EYS: variants seen among roughly 807,000 people sequenced by gnomAD.
The protein encoded by EYS is EGF-like photoreceptor maintenance factor, also known as protein eyes shut homolog.
A neutral mutation model predicts 282.1 loss-of-function variants in EYS; 250 were observed. The observed-to-expected ratio is 0.89, with a 90% confidence interval of 0.80 to 0.98. The LOEUF (loss-of-function observed/expected upper bound fraction) is 0.98, where lower values mean the gene tolerates loss of function less well. Among genes scored for constraint, EYS ranks in the 50% least tolerant of loss-of-function variants. EYS has a pLI of 0.00. For synonymous variants in EYS, 1,355 were observed against 1,282.9 expected (o/e 1.06, Z -1.20); for missense variants, 4,016 against 3,709.0 (o/e 1.08, Z -2.15).
intron 30 of EYS, among the ~76,000 whole-genome samples, chr6:64,303,236 G>A (rs1039149511): frequency 6.6e-6 from 1 of 152,174 alleles, no homozygotes; most frequent in African/African-American, 2.4e-5. Flanking sequence ...CCCCCAGTGG[G>A]GTTCCTTAGT....
intron 19 of EYS, among the ~76,000 whole-genome samples, chr6:64,829,709 G>A (rs959862333): frequency 6.6e-6 from 1 of 151,966 alleles, no homozygotes; most frequent in Non-Finnish European, 1.5e-5. Flanking sequence ...ATAGAATGCG[G>A]TATGCACTCT....
At chr6:64,863,281 T>A (rs1003657784) in intron 19 of EYS, among the ~76,000 whole-genome samples, 5 of 152,202 alleles carry the variant, frequency 3.3e-5, no homozygotes, top group African/African-American at 4.8e-5. Flanking sequence ...TTCTTCTGAG[T>A]TCTTTCCCTT....
At chr6:63,745,332 G>A (rs989635395) in intron 41 of EYS, among the ~76,000 whole-genome samples, 2 of 152,174 alleles carry the variant, frequency 1.3e-5, no homozygotes, top group Non-Finnish European at 2.9e-5. Context: ...TTAATACGAG[G>A]GCAGAGATTG....
At chr6:64,863,855 T>C (rs1766328355) in intron 19 of EYS, among the ~76,000 whole-genome samples, 1 of 152,178 alleles carries the variant, frequency 6.6e-6, no homozygotes, top group African/African-American at 2.4e-5. Context: ...AATTATTATT[T>C]TTTTCCTGAG....
At chr6:65,443,588 A>C (rs1018675618) in intron 5 of EYS, among the ~76,000 whole-genome samples, 1 of 151,772 alleles carries the variant, frequency 6.6e-6, no homozygotes, top group Non-Finnish European at 1.5e-5. Flanking sequence ...ATATACACAT[A>C]TACATATACA....
At chr6:65,555,976 A>C (rs1278216642) in intron 2 of EYS, among the ~76,000 whole-genome samples, 2 of 152,214 alleles carry the variant, frequency 1.3e-5, no homozygotes, top group East Asian at 3.8e-4. Context: ...TGGCTACTAG[A>C]AATTTTAAAA....
intron 22 of EYS, among the ~76,000 whole-genome samples, chr6:64,661,179 G>C (rs1768999923): frequency 6.6e-6 from 1 of 152,166 alleles, no homozygotes; most frequent in Non-Finnish European, 1.5e-5. Flanking sequence ...AAACTGGCTA[G>C]CCATATGTAG....
At chr6:65,206,612 T>A (rs1464694139) in intron 12 of EYS, among the ~76,000 whole-genome samples, 1 of 151,774 alleles carries the variant, frequency 6.6e-6, no homozygotes, top group Non-Finnish European at 1.5e-5. Flanking sequence ...CTGACGAACA[T>A]GGATGTAAAA....
At chr6:64,030,983 A>AG (rs897605059) in intron 33 of EYS, among the ~76,000 whole-genome samples, 33 of 152,282 alleles carry the variant, frequency 2.2e-4, no homozygotes, top group African/African-American at 7.5e-4. Context: ...TCCTGTTTAG[A>AG]GGGGGGATTG....
chr6:65,149,771 C>T (rs1241779157), intron 12 of EYS, among the ~76,000 whole-genome samples: 3 of 152,132 alleles, frequency 2.0e-5, no homozygotes, highest in African/African-American at 7.2e-5. Flanking sequence ...ATTTCTATAG[C>T]ATTGCCCCAT....
At chr6:64,659,946 C>T (rs1768930132) in intron 22 of EYS, among the ~76,000 whole-genome samples, 1 of 152,100 alleles carries the variant, frequency 6.6e-6, no homozygotes, top group Non-Finnish European at 1.5e-5. Context: ...AAGAGAATTT[C>T]AGACCAATAT....
intron 2 of EYS, among the ~76,000 whole-genome samples, chr6:65,528,557 C>T (rs995529225): frequency 6.6e-6 from 1 of 152,170 alleles, no homozygotes; most frequent in Admixed American, 6.5e-5. Flanking sequence ...CCCCTCTTGC[C>T]GTCTCTCACC....
intron 35 of EYS, among the ~76,000 whole-genome samples, chr6:63,874,711 A>T (rs1053924194): frequency 1.3e-5 from 2 of 152,074 alleles, no homozygotes; most frequent in Non-Finnish European, 2.9e-5. Context: ...GGATTCCGAG[A>T]TATTTTATTC....
intron 31 of EYS, among the ~76,000 whole-genome samples, chr6:64,124,295 GT>G (rs113727319): frequency 0.068 from 10,287 of 152,134 alleles, 1,055 homozygotes; most frequent in African/African-American, 0.23. Context: ...TCTGCTCCAC[GT>G]TCTGGCCTTT....
chr6:64,891,399 C>G (rs1485008960), intron 18 of EYS, among the ~76,000 whole-genome samples: 1 of 152,040 alleles, frequency 6.6e-6, no homozygotes, highest in East Asian at 1.9e-4. Context: ...ACCTGCCCTG[C>G]CCTGCTCTCT....
At chr6:64,107,259 A>ATGTG (rs1157319867) in intron 31 of EYS, among the ~76,000 whole-genome samples, 2 of 124,938 alleles carry the variant, frequency 1.6e-5, no homozygotes, top group Non-Finnish European at 3.3e-5. Context: ...ATATATATAT[A>ATGTG]TGTGTGTGTG....
chr6:65,543,948 A>G (rs6901477), intron 2 of EYS, among the ~76,000 whole-genome samples: 18,217 of 151,884 alleles, frequency 0.12, 1,322 homozygotes, highest in African/African-American at 0.18. Context: ...AGAGTGAAAA[A>G]TTTCAGTGTG....
At chr6:63,959,509 T>A (rs1765964084) in intron 35 of EYS, among the ~76,000 whole-genome samples, 1 of 152,184 alleles carries the variant, frequency 6.6e-6, no homozygotes, top group South Asian at 2.1e-4. Flanking sequence ...ATCCCATTAT[T>A]GGGTACATAC....
chr6:64,248,557 G>A (rs990154043), intron 30 of EYS, among the ~76,000 whole-genome samples: 1 of 152,030 alleles, frequency 6.6e-6, no homozygotes, highest in Non-Finnish European at 1.5e-5. Context: ...GGAAACAGAC[G>A]GTACATTCAG....
Sources: allele counts gnomAD v4.1 joint callset (sites outside exome capture counted in the v4.1 genomes callset), GRCh38; gene constraint gnomAD v4.1.1; transcripts MANE v1.5; gene names NCBI Gene and HGNC (gene_info 2026-07-23, HGNC 2026-07-21).